The following DNAJB6 variants were observed in gnomAD, a reference collection of about 807,000 sequenced individuals.
DNAJB6 encodes DnaJ heat shock protein family (Hsp40) member B6.
In DNAJB6, 16 loss-of-function variants were observed where a neutral mutation model predicts 42.7. The ratio of observed to expected loss-of-function variants is 0.37; its 90% CI spans 0.25 to 0.57. The LOEUF is 0.57. Ranked by LOEUF, DNAJB6 falls within the 20% of genes least tolerant of loss-of-function variation. DNAJB6 has a pLI of 0.74. For synonymous variants in DNAJB6, 170 were observed against 163.5 expected (o/e 1.04, Z -0.30); for missense variants, 347 against 416.8 (o/e 0.83, Z 1.46).
chr7:157,361,351 G>C (rs1007320176), intron 2 of DNAJB6, among the ~76,000 whole-genome samples: 40 of 152,204 alleles, frequency 2.6e-4, no homozygotes, highest in African/African-American at 8.9e-4. Context: ...TAGAGACGGG[G>C]TTTCACCATG....
intron 5 of DNAJB6, among the ~76,000 whole-genome samples, chr7:157,369,772 G>A (rs1175913741): frequency 6.7e-6 from 1 of 149,476 alleles, no homozygotes; most frequent in Non-Finnish European, 1.5e-5. Flanking sequence ...TTATTAAACA[G>A]GCCTTTCATA....
intron 5 of DNAJB6, among the ~76,000 whole-genome samples, chr7:157,369,916 T>TTCTTAACATTATTATTAAACGGGACCCG (rs1800078659): frequency 6.6e-6 from 1 of 151,050 alleles, no homozygotes; most frequent in East Asian, 2.0e-4. Flanking sequence ...AACAGGCCCC[T>TTCTTAACATTATTATTAAACGGGACCCG]TCTTAACATT....
At chr7:157,358,045 C>T (rs778876083) in intron 1 of DNAJB6, among the ~76,000 whole-genome samples, 5 of 152,186 alleles carry the variant, frequency 3.3e-5, no homozygotes, top group African/African-American at 7.2e-5. Context: ...GCTGTTCCCT[C>T]GTGTGGGTGA....
At chr7:157,356,271 T>C (rs1337219553) in intron 1 of DNAJB6, among the ~76,000 whole-genome samples, 1 of 152,230 alleles carries the variant, frequency 6.6e-6, no homozygotes, top group Admixed American at 6.5e-5. Flanking sequence ...AAACTGGAGC[T>C]GGAGTGAAAA....
chr7:157,367,208 C>CT (rs1218285243), intron 4 of DNAJB6, among the ~76,000 whole-genome samples, 165 bp from the exon 5 acceptor site: 1 of 152,236 alleles, frequency 6.6e-6, no homozygotes, highest in Non-Finnish European at 1.5e-5. Flanking sequence ...CACACTCACT[C>CT]TCTGTCAGTA....
intron 9 of DNAJB6, chr7:157,410,220 T>C: frequency 8.7e-7 from 1 of 1,146,708 alleles, no homozygotes; most frequent in Non-Finnish European, 1.2e-6. Context: ...TAAAACGGGG[T>C]CCGCGTGTCC....
chr7:157,339,338 G>C (rs1798222872), intron 1 of DNAJB6, among the ~76,000 whole-genome samples: 1 of 129,388 alleles, frequency 7.7e-6, no homozygotes, highest in South Asian at 2.4e-4. Context: ...CTGTCGCCCA[G>C]GCCGTAATTA....
At chr7:157,397,207 A>G (rs756144495) in intron 8 of DNAJB6, among the ~76,000 whole-genome samples, 12 of 152,264 alleles carry the variant, frequency 7.9e-5, no homozygotes, top group Admixed American at 4.6e-4. Context: ...GCTTCCTGGG[A>G]AGTTGCTAAG....
At chr7:157,347,106 C>T (rs566492648) in intron 1 of DNAJB6, among the ~76,000 whole-genome samples, 104 of 152,328 alleles carry the variant, frequency 6.8e-4, no homozygotes, top group African/African-American at 2.4e-3. Flanking sequence ...TCGCCTGCCT[C>T]GGCCTCCCAA....
intron 2 of DNAJB6, among the ~76,000 whole-genome samples, chr7:157,360,439 A>G (rs941369498): frequency 1.3e-5 from 2 of 152,202 alleles, no homozygotes; most frequent in Non-Finnish European, 1.5e-5. Flanking sequence ...GCCCTTATCA[A>G]TGGATAAGCA....
chr7:157,341,176 A>T (rs1798359724), intron 1 of DNAJB6, among the ~76,000 whole-genome samples: 1 of 151,746 alleles, frequency 6.6e-6, no homozygotes, highest in African/African-American at 2.4e-5. Context: ...CCCAGGCTGG[A>T]TGCAGTGGCG....
chr7:157,355,577 G>T (rs1347325264), intron 1 of DNAJB6, among the ~76,000 whole-genome samples: 13 of 152,134 alleles, frequency 8.5e-5, no homozygotes, highest in Admixed American at 7.9e-4. Context: ...GGTGCTGTGG[G>T]TTTTTTACTG....
At chr7:157,358,429 T>G (rs1202203916) in intron 1 of DNAJB6, 118 bp from the exon 2 acceptor site, 1 of 647,032 alleles carries the variant, frequency 1.5e-6, no homozygotes, top group African/African-American at 1.8e-5. Flanking sequence ...AAGTTCCCTC[T>G]GTAGGCCAGT....
chr7:157,381,674 G>A (rs919745603), intron 5 of DNAJB6: 1 of 151,916 alleles, frequency 6.6e-6, no homozygotes, highest in African/African-American at 2.4e-5. Flanking sequence ...ATCAAACTTA[G>A]AATAAAAGGA....
chr7:157,406,382 T>TC (rs1260620487), intron 8 of DNAJB6, among the ~76,000 whole-genome samples: 1 of 152,028 alleles, frequency 6.6e-6, no homozygotes, highest in Non-Finnish European at 1.5e-5. Flanking sequence ...CCTTGGGGAG[T>TC]CCCTTGTGTG....
chr7:157,370,241 C>G (rs1039111793), intron 5 of DNAJB6, among the ~76,000 whole-genome samples: 4 of 149,716 alleles, frequency 2.7e-5, no homozygotes, highest in African/African-American at 9.9e-5. Flanking sequence ...ATTAAACAGG[C>G]CCTTTCTTAA....
intron 2 of DNAJB6, among the ~76,000 whole-genome samples, chr7:157,362,438 G>C (rs1403982241): frequency 6.6e-6 from 1 of 152,002 alleles, no homozygotes; most frequent in Non-Finnish European, 1.5e-5. Flanking sequence ...GCAATGGTGC[G>C]ATCTCGGCTC....
intron 2 of DNAJB6, among the ~76,000 whole-genome samples, chr7:157,359,661 C>CA (rs940873547): frequency 7.3e-5 from 11 of 150,572 alleles, no homozygotes; most frequent in South Asian, 2.1e-4. Context: ...CTGTCTTGAC[C>CA]AAAAAAAAAT....
intron 8 of DNAJB6, among the ~76,000 whole-genome samples, chr7:157,397,413 G>C (rs1465029363): frequency 6.6e-6 from 1 of 152,250 alleles, no homozygotes; most frequent in Non-Finnish European, 1.5e-5. Context: ...TGTCGCTGCG[G>C]TGGTGTGTTC....
Sources: gnomAD v4.1 joint callset for allele counts (sites outside exome capture counted in the v4.1 genomes callset) on GRCh38, gnomAD v4.1.1 for gene constraint, MANE v1.5 for transcripts, NCBI Gene and HGNC (gene_info 2026-07-23, HGNC 2026-07-21) for gene names.